ZNF467: variants seen among roughly 807,000 people sequenced by gnomAD.
ZNF467 encodes zinc finger protein EZI.
ZNF467 carries 51 observed loss-of-function variants against 47.8 expected under a neutral mutation model. The observed-to-expected ratio is 1.07, with a 90% CI of 0.85 to 1.35. The LOEUF (loss-of-function observed/expected upper bound fraction) is 1.35, where lower values mean the gene tolerates loss of function less well. Ranked by LOEUF, ZNF467 falls within the 40% of genes most tolerant of loss-of-function variation. The pLI, the probability that ZNF467 is intolerant of heterozygous loss-of-function variation, is 0.00. For missense variants in ZNF467, 992 were observed against 858.1 expected (o/e 1.16, Z -1.95); for synonymous variants, 416 against 372.9 (o/e 1.12, Z -1.33).
Position 149,764,272 on chromosome 7 carries a change from G to C in ZNF467, c.*442C>G, listed in dbSNP as rs1389083010. ...CTCACCCAGGACAGAAGGGGAAGTG[G>C]AGGGGGGTGGTCTGTGTGTGGATGG... is the stretch of plus-strand genomic sequence containing the variant. On this transcript the variant is annotated 3_prime_UTR_variant, in exon 5 of 5. Coordinates refer to ENST00000302017, the MANE Select transcript of ZNF467 (RefSeq NM_207336.3). The C allele has an allele frequency of 2.3e-6, 1 of 440,818 alleles. No individual in the cohort carries two copies. Among genetic ancestry groups the C allele is most frequent in the Non-Finnish European group, 4.0e-6 (1 of 250,448 alleles). 27.3% of individuals were successfully genotyped at this position (440,818 alleles called of 1,614,324 possible). A position where few individuals can be genotyped will look rare whatever the true frequency, so the allele number is the denominator to read the frequency against.
rs761068312 is a variant in ZNF467 at position 149,766,034 on chromosome 7, C to T, written c.468G>A (p.Pro156=). Residue 156 remains proline (P), a synonymous_variant, in exon 5 of 5, where the codon CCG becomes CCA. Coordinates refer to ENST00000302017, the MANE Select transcript of ZNF467 (RefSeq NM_207336.3). Reference sequence around the variant, plus strand: ...ACTCCCCGCAGCCGTAGGGCTTCTCCGGCATCGGACCCCACCCAGACAGCG... The same window carrying T: ...ACTCCCCGCAGCCGTAGGGCTTCTCTGGCATCGGACCCCACCCAGACAGCG... ...GLALSGWGPM[P]EKPYGCGECE... is the part of the protein sequence containing the mutation. 5 of 1,591,924 alleles carry T rather than the reference C, an allele frequency of 3.1e-6. No individual in the cohort carries two copies. The South Asian group carries it at 3.4e-5, about 11-fold the overall frequency.
In ZNF467 at chr7:149,764,381, A is replaced by C; in HGVS notation, c.*333T>G. Reference sequence around the variant, plus strand: ...CCAGAACTTTCCGATTTTAACTTTAATGAAACTTTAAGTACATAAATAACC... The same window carrying C: ...CCAGAACTTTCCGATTTTAACTTTACTGAAACTTTAAGTACATAAATAACC... On this transcript the variant is annotated 3_prime_UTR_variant, in exon 5 of 5. Transcript: ENST00000302017. The C allele has an allele frequency of 1.8e-6, 1 of 559,138 alleles. No homozygotes were observed. The highest frequency in any genetic ancestry group is 2.4e-5 in the South Asian group (1 of 41,318). The allele number at this position is 559,138 out of a possible 1,614,324, so 34.6% of individuals were successfully genotyped here.
rs1041277743 is a variant in ZNF467 at position 149,764,278 on chromosome 7, G to A, written c.*436C>T. 3.3e-5 allele frequency: 15 copies of A among 451,670 alleles called. No individual in the cohort carries two copies. The highest frequency in any genetic ancestry group is 3.0e-4 in the African/African-American group (15 of 49,246). The allele number at this position is 451,670 out of a possible 1,614,324, so 28.0% of individuals were successfully genotyped here. The stretch of plus-strand genomic sequence containing the variant: ...CAGGACAGAAGGGGAAGTGGAGGGG[G>A]GTGGTCTGTGTGTGGATGGAGGTGG... On this transcript the variant is annotated 3_prime_UTR_variant, in exon 5 of 5. Coordinates refer to ENST00000302017, the MANE Select transcript of ZNF467 (RefSeq NM_207336.3).
chr7:149,767,159 C>A (rs1049959198), intron 4 of ZNF467, among the ~76,000 whole-genome samples: 2 of 152,210 alleles, frequency 1.3e-5, no homozygotes, highest in Non-Finnish European at 2.9e-5. Context: ...AGTCACTTAA[C>A]CTCTTTGAGT....
chr7:149,766,869 TC>T (rs1264868208), intron 4 of ZNF467, among the ~76,000 whole-genome samples: 1 of 152,218 alleles, frequency 6.6e-6, no homozygotes, highest in Non-Finnish European at 1.5e-5. Flanking sequence ...TTCCTGCTAC[TC>T]CCTTCTTTCC....
chr7:149,775,842 A>G (rs1183516563), upstream of ZNF467, among the ~76,000 whole-genome samples: 1 of 152,124 alleles, frequency 6.6e-6, no homozygotes, highest in East Asian at 1.9e-4. Context: ...GGCAGGTCCA[A>G]TCCGGTTGTG....
rs752829604 is a variant in ZNF467, at chr7:149,765,887, C to G, written c.615G>C (p.Leu205=). The part of the protein sequence containing the change: ...RSFTQRAHML[L]HQRSHRGERP... Reference sequence around the variant, plus strand: ...GCTCGCCGCGGTGGCTGCGCTGATGCAGTAGCATGTGGGCGCGCTGCGTGA... The same window carrying G: ...GCTCGCCGCGGTGGCTGCGCTGATGGAGTAGCATGTGGGCGCGCTGCGTGA... Residue 205 remains leucine, a synonymous_variant, in exon 5 of 5, where the codon CTG becomes CTC. Transcript: ENST00000302017. 3.4e-5 allele frequency: 54 copies of G among 1,589,770 alleles called. 1 individual carries two copies. The South Asian group carries it at 5.8e-4, about 17-fold the overall frequency.
At chr7:149,767,623 C>T (rs549260042) in intron 4 of ZNF467, among the ~76,000 whole-genome samples, 11 of 152,156 alleles carry the variant, frequency 7.2e-5, no homozygotes, top group Non-Finnish European at 1.3e-4. Context: ...ACGATAATGA[C>T]TCATTGCAGC....
Position 149,765,112 on chromosome 7 carries a change from A to C in ZNF467, c.1390T>G (p.Cys464Gly). 6.8e-7 allele frequency: 1 copy of C among 1,473,332 alleles called. No individual in the cohort carries two copies. Among genetic ancestry groups the C allele is most frequent in the Non-Finnish European group, 9.0e-7 (1 of 1,116,382 alleles). 91.3% of individuals were successfully genotyped at this position (1,473,332 alleles called of 1,614,324 possible). A position where few individuals can be genotyped will look rare whatever the true frequency, so the allele number is the denominator to read the frequency against. The change falls in exon 5 of 5, where the codon TGT (cysteine) becomes GGT (glycine). Residue 464 changes from cysteine (C) to glycine (G), a missense_variant. By Grantham distance (159) the Cys-to-Gly change is radical (BLOSUM62 -3). Coordinates refer to ENST00000302017, the MANE Select transcript of ZNF467 (RefSeq NM_207336.3). Reference sequence around the variant, plus strand: ...GGCCGCGAGCCGAAGCGGCGGTCACACTGCGTGCAGGCGAAGGGCCGTTCG... The same window carrying C: ...GGCCGCGAGCCGAAGCGGCGGTCACCCTGCGTGCAGGCGAAGGGCCGTTCG... ...TGERPFACTQ[C>G]DRRFGSRPNL...
chr7:149,765,621 T>C lies in ZNF467; in HGVS notation c.881A>G (p.His294Arg), dbSNP rs763930626. 3.7e-6 allele frequency: 6 copies of C among 1,606,624 alleles called. No homozygotes were observed. The highest frequency in any genetic ancestry group is 1.1e-5 in the South Asian group (1 of 90,024). Residue 294 changes from histidine (H) to arginine (R), a missense_variant, in exon 5 of 5, where the codon CAT becomes CGT. Transcript: ENST00000302017. ...KTHLIRHQRI[H>R]TGERPYQCAQ... ...GCACTGGTAGGGCCTCTCGCCCGTA[T>C]GGATGCGCTGGTGCCGAATCAAGTG...
In ZNF467 at chr7:149,764,897, C is replaced by A. The variant is rs374306354; in HGVS notation, c.1605G>T (p.Ala535=). The A allele has an allele frequency of 3.8e-5, 60 of 1,563,870 alleles. No homozygotes were observed. In the African/African-American group the frequency reaches 7.5e-4, roughly 20 times the overall value. The change falls in exon 5 of 5, where the codon GCG becomes GCT. Residue 535 remains alanine (A), a synonymous_variant. Coordinates refer to ENST00000302017, the MANE Select transcript of ZNF467 (RefSeq NM_207336.3). ...AGAAGGGGCGGGAGCCTGTGTGGAT[C>A]GCCTGGTGGCGGACTAGGTTGGTTT... ...SSKTNLVRHQ[A]IHTGSRPFSC... is the part of the protein sequence containing the mutation.
chr7:149,775,915 A>T (rs1799562020), upstream of ZNF467: 1 of 664,808 alleles, frequency 1.5e-6, no homozygotes, highest in African/African-American at 1.9e-5. Flanking sequence ...AGAACTGGCC[A>T]CTGGGCTGCG....
intron 3 of ZNF467, among the ~76,000 whole-genome samples, chr7:149,770,053 T>A (rs900524319): frequency 6.6e-6 from 1 of 151,922 alleles, no homozygotes. Context: ...TTTAATCCTA[T>A]AACATGCCCC....
chr7:149,766,260 T>C, intron 4 of ZNF467, 21 bp from the exon 5 acceptor site: 1 of 1,513,036 alleles, frequency 6.6e-7, no homozygotes, highest in Non-Finnish European at 8.8e-7. Flanking sequence ...AAAACAAGAA[T>C]TGTCTATTGA....
At position 149,765,500 on chromosome 7, in the gene ZNF467, C is replaced by G. The variant is rs752720088; in HGVS notation, c.1002G>C (p.Ser334=). ...GGGCAGTGGAATGAGGAGAAGCGGA[C>G]GAGTCGGGAGAGGGCCTGGCCGGGC... The part of the protein sequence containing the change: ...TAGPARPSPD[S]SASPHSTAPS... Residue 334 remains serine, a synonymous_variant, in exon 5 of 5, where the codon TCG becomes TCC. Coordinates refer to ENST00000302017, the MANE Select transcript of ZNF467 (RefSeq NM_207336.3). 1.0e-5 allele frequency: 16 copies of G among 1,582,604 alleles called. No homozygotes were observed. The East Asian group carries it at 1.6e-4, about 16-fold the overall frequency.
At chr7:149,767,577 G>A (rs1799263287) in intron 4 of ZNF467, among the ~76,000 whole-genome samples, 1 of 152,074 alleles carries the variant, frequency 6.6e-6, no homozygotes, top group African/African-American at 2.4e-5. Context: ...ATTGAGTCAG[G>A]GTCTTGCTCT....
At chr7:149,776,523 C>T (rs1799585913), upstream of ZNF467, 3 of 1,306,212 alleles carry the variant, frequency 2.3e-6, no homozygotes, top group African/African-American at 3.0e-5. Context: ...TCTGTCCTAT[C>T]TACAAGTGAG....
At chr7:149,766,659 G>C (rs956490977) in intron 4 of ZNF467, among the ~76,000 whole-genome samples, 3 of 152,214 alleles carry the variant, frequency 2.0e-5, no homozygotes, top group Admixed American at 2.0e-4. Flanking sequence ...ACTGGCCGCA[G>C]CTCAGCAGCT....
upstream of ZNF467, chr7:149,776,278 G>T: frequency 1.6e-6 from 2 of 1,288,840 alleles, no homozygotes; most frequent in Non-Finnish European, 2.1e-6. Flanking sequence ...TGGGAGTGGT[G>T]TCATAGGACA....
Sources: allele counts gnomAD v4.1 joint callset (sites outside exome capture counted in the v4.1 genomes callset), GRCh38; gene constraint gnomAD v4.1.1; transcripts MANE v1.5; gene names NCBI Gene and HGNC (gene_info 2026-07-23, HGNC 2026-07-21).